The following GHITM variants were observed in gnomAD, a reference collection of about 807,000 sequenced individuals.
GHITM encodes growth hormone-inducible transmembrane protein.
In GHITM, 24 loss-of-function variants were observed where a neutral mutation model predicts 38.7. The ratio of observed to expected loss-of-function variants is 0.62; its 90% CI spans 0.45 to 0.87. The LOEUF is 0.87. Among genes scored for constraint, GHITM ranks in the 40% least tolerant of loss-of-function variants. The probability of loss-of-function intolerance (pLI) is 0.00; values close to 1 mark genes in which losing one functional copy is unlikely to be tolerated. For synonymous variants in GHITM, 154 were observed against 147.8 expected, an observed-to-expected ratio of 1.04 and a Z score of -0.30; for missense variants, 420 against 429.8, an observed-to-expected ratio of 0.98 and a Z score of 0.20.
At chr10:84,147,056 A>T (rs900915867) in intron 5 of GHITM, among the ~76,000 whole-genome samples, 2 of 150,826 alleles carry the variant, frequency 1.3e-5, no homozygotes, top group Non-Finnish European at 2.9e-5. Flanking sequence ...GATGGATTGA[A>T]TTAAGGAGGC....
At chr10:84,144,197 C>T (rs1589275103) in intron 4 of GHITM, 91 bp downstream of exon 4, 3 of 775,912 alleles carry the variant, frequency 3.9e-6, no homozygotes, top group East Asian at 2.5e-5. Context: ...TCTTTAGTCA[C>T]TTTGGAATGT....
intron 6 of GHITM, 142 bp downstream of exon 6, chr10:84,148,980 T>C (rs769798256): frequency 9.4e-6 from 6 of 637,092 alleles, no homozygotes; most frequent in South Asian, 3.5e-5. Context: ...CTGGCTGCAT[T>C]ATTGCCAGAC....
At chr10:84,140,767 C>T (rs1361570111) in intron 1 of GHITM, among the ~76,000 whole-genome samples, 2 of 151,984 alleles carry the variant, frequency 1.3e-5, no homozygotes, top group African/African-American at 2.4e-5. Flanking sequence ...GCATGCTTTT[C>T]TTTTGAAGAC....
rs1841599459 is a variant in GHITM at position 84,150,382 on chromosome 10, C to T, written c.781+139C>T. 9 of 664,744 alleles carry T rather than the reference C, an allele frequency of 1.4e-5. No individual in the cohort carries two copies. The South Asian group carries it at 2.4e-4, about 18-fold the overall frequency. 41.2% of individuals were successfully genotyped at this position (664,744 alleles called of 1,614,324 possible). A position where few individuals can be genotyped will look rare whatever the true frequency, so the allele number is the denominator to read the frequency against. On this transcript the variant is annotated intron_variant, in intron 7 of 8. Transcript: ENST00000372134. ...ATGCTAATTTGACTGGATTTTACTA[C>T]CTGACATCATATAAAAATCATGGCA... is the stretch of plus-strand genomic sequence containing the variant.
At chr10:84,151,721 G>A (rs750977241) in intron 8 of GHITM, among the ~76,000 whole-genome samples, 2 of 151,826 alleles carry the variant, frequency 1.3e-5, no homozygotes, top group African/African-American at 2.4e-5. Flanking sequence ...CGACCAAAGT[G>A]GGTTATTTTA....
At chr10:84,145,443 G>A (rs1841548128) in intron 5 of GHITM, among the ~76,000 whole-genome samples, 1 of 152,216 alleles carries the variant, frequency 6.6e-6, no homozygotes, top group South Asian at 2.1e-4. Context: ...TATTAAACAT[G>A]TATTCGAATA....
intron 8 of GHITM, among the ~76,000 whole-genome samples, chr10:84,151,412 A>G (rs1028124677): frequency 2.0e-5 from 3 of 152,266 alleles, no homozygotes; most frequent in Non-Finnish European, 4.4e-5. Flanking sequence ...TATTCATTCC[A>G]TTATCAGAAT....
At chr10:84,143,909 A>G (rs1841532035) in intron 3 of GHITM, 86 bp from the exon 4 acceptor site, 1 of 929,248 alleles carries the variant, frequency 1.1e-6, no homozygotes, top group East Asian at 2.4e-5. Flanking sequence ...TAAATATGGT[A>G]CATGATTTGA....
chr10:84,148,158 A>G (rs1414050430), intron 5 of GHITM, among the ~76,000 whole-genome samples: 2 of 152,212 alleles, frequency 1.3e-5, no homozygotes, highest in South Asian at 2.1e-4. Flanking sequence ...AGCTTAAGAC[A>G]TGCATTTGAA....
In GHITM at chr10:84,148,729, G is replaced by A. The variant is rs747129580; in HGVS notation, c.484-1G>A. 1 of 1,598,034 alleles carries A rather than the reference G, an allele frequency of 6.3e-7. No homozygotes were observed. The highest frequency in any genetic ancestry group is 1.3e-5 in the African/African-American group (1 of 74,628). On this transcript the variant is annotated splice_acceptor_variant, in intron 5 of 8. Coordinates refer to ENST00000372134, the MANE Select transcript of GHITM (RefSeq NM_014394.3). LOFTEE classifies it high-confidence loss of function. ...TTTTCTTAATAGTACTTGTCTTTCA[G>A]ACAATTGGTGTGACCTTTGCAGCCA... is the stretch of plus-strand genomic sequence containing the variant.
chr10:84,152,202 T>G (rs894997834), intron 8 of GHITM, 62 bp from the exon 9 acceptor site: 4 of 759,676 alleles, frequency 5.3e-6, no homozygotes, highest in Admixed American at 5.1e-5. Flanking sequence ...TTTTCTATAT[T>G]AAGAATTCAA....
intron 1 of GHITM, chr10:84,140,165 CTG>C (rs1385692256): frequency 6.6e-6 from 1 of 152,326 alleles, no homozygotes; most frequent in Non-Finnish European, 1.5e-5. Context: ...GGAGGTCACT[CTG>C]AGCTGGACCT....
At chr10:84,145,739 C>A (rs1249543741) in intron 5 of GHITM, among the ~76,000 whole-genome samples, 1 of 152,188 alleles carries the variant, frequency 6.6e-6, no homozygotes, top group East Asian at 1.9e-4. Flanking sequence ...TATTCTCCTG[C>A]TATTTGGTAG....
chr10:84,149,276 G>C (rs1841587308), intron 6 of GHITM, among the ~76,000 whole-genome samples: 1 of 152,252 alleles, frequency 6.6e-6, no homozygotes, highest in Non-Finnish European at 1.5e-5. Flanking sequence ...TTCACCCACT[G>C]TTTTGCCTAG....
intron 5 of GHITM, among the ~76,000 whole-genome samples, chr10:84,147,363 C>T (rs1281374956): frequency 1.3e-5 from 2 of 152,206 alleles, no homozygotes; most frequent in East Asian, 3.8e-4. Flanking sequence ...ACCCAAGTAA[C>T]TGACATTACA....
intron 1 of GHITM, chr10:84,140,383 C>G (rs554072132): frequency 2.6e-5 from 4 of 152,206 alleles, no homozygotes; most frequent in African/African-American, 9.6e-5. Context: ...TTGGAGTGTT[C>G]GTTAAAACAC....
At chr10:84,144,157 A>G in intron 4 of GHITM, 51 bp downstream of exon 4, 1 of 1,186,760 alleles carries the variant, frequency 8.4e-7, no homozygotes, top group Non-Finnish European at 1.3e-6. Context: ...CAGCCTTAAA[A>G]CAAAAATTCA....
chr10:84,142,926 T>A (rs1841521845), intron 3 of GHITM, among the ~76,000 whole-genome samples, 172 bp downstream of exon 3: 1 of 152,212 alleles, frequency 6.6e-6, no homozygotes, highest in Non-Finnish European at 1.5e-5. Context: ...GATTCAGTGG[T>A]TATCAATCAT....
chr10:84,145,763 G>A (rs1841550902), intron 5 of GHITM, among the ~76,000 whole-genome samples: 1 of 152,208 alleles, frequency 6.6e-6, no homozygotes, highest in South Asian at 2.1e-4. Flanking sequence ...AGATGAACTG[G>A]AATAAGTGGC....
Sources: allele counts gnomAD v4.1 joint callset (sites outside exome capture counted in the v4.1 genomes callset), GRCh38; gene constraint gnomAD v4.1.1; transcripts MANE v1.5; gene names NCBI Gene and HGNC (gene_info 2026-07-23, HGNC 2026-07-21).